Variants in VPS9D1 observed in about 807,000 individuals in gnomAD.
VPS9D1 encodes the protein VPS9 domain-containing protein 1.
In VPS9D1, 78 loss-of-function variants were observed where a neutral mutation model predicts 75.8. The observed-to-expected ratio is 1.03, with a 90% CI of 0.86 to 1.24. The LOEUF (loss-of-function observed/expected upper bound fraction) is 1.24, where lower values mean the gene tolerates loss of function less well. VPS9D1 is among the 50% of genes most tolerant of loss of function. The pLI is 0.00. For missense variants in VPS9D1, 1,057 were observed against 847.7 expected (o/e 1.25, Z -3.07); for synonymous variants, 481 against 385.6 (o/e 1.25, Z -2.90).
rs1597909197 is a variant in VPS9D1, at chr16:89,711,401, C to T, written c.759G>A (p.Lys253=). 3.1e-6 allele frequency: 5 copies of T among 1,608,386 alleles called. No individual in the cohort carries two copies. The highest frequency in any genetic ancestry group is 2.2e-5 in the South Asian group (2 of 89,842). The change falls in exon 9 of 15, where the codon AAG becomes AAA. Residue 253 remains lysine (K), a synonymous_variant. Transcript: ENST00000389386. ...LEYEQDHDWP[K]HWKAKLKRNP... is the part of the protein sequence containing the mutation. The stretch of plus-strand genomic sequence containing the variant: ...TCCTCTTGAGCTTGGCCTTCCAGTG[C>T]TTCGGCCAGTCCTACGGGACAGGGG...
intron 3 of VPS9D1, 32 bp downstream of exon 3, chr16:89,716,698 C>T: frequency 6.3e-7 from 1 of 1,592,646 alleles, no homozygotes; most frequent in Non-Finnish European, 8.6e-7. Context: ...TGGGGGATGC[C>T]CCAGGAGAGC....
chr16:89,720,602 C>A lies in VPS9D1; in HGVS notation c.99+161G>T, dbSNP rs1189544920. On this transcript the variant is annotated intron_variant, in intron 1 of 14. Transcript: ENST00000389386. ...TCCAAGGTCACTGCACGCCCGGCTGCGCCCCGCCCCCGTCCTCGCCCGGGA... is the reference window on the plus strand; with the variant it reads ...TCCAAGGTCACTGCACGCCCGGCTGAGCCCCGCCCCCGTCCTCGCCCGGGA... 14 of 1,227,380 alleles carry A rather than the reference C, an allele frequency of 1.1e-5. No individual in the cohort carries two copies. The Admixed American group carries it at 5.4e-4, about 47-fold the overall frequency. 76.0% of individuals were successfully genotyped at this position (1,227,380 alleles called of 1,614,324 possible).
At position 89,708,656 on chromosome 16, in the gene VPS9D1, G is replaced by A. The variant is rs145715813; in HGVS notation, c.1698-125C>T. ...CTGTGCCCTTCTGCGCAGAGGCACC[G>A]GAAGGCAGCTGGGCATGGTGAGGCT... On this transcript the variant is annotated intron_variant, in intron 13 of 14. Transcript: ENST00000389386. 9.0e-4 allele frequency: 1,055 copies of A among 1,171,540 alleles called. 5 individuals carry two copies. In the African/African-American group the frequency reaches 0.014, roughly 15 times the overall value. The allele number at this position is 1,171,540 out of a possible 1,614,324, so 72.6% of individuals were successfully genotyped here. A position where few individuals can be genotyped will look rare whatever the true frequency, so the allele number is the denominator to read the frequency against.
chr16:89,713,000 C>T (rs1476029973), intron 4 of VPS9D1: 1 of 244,070 alleles, frequency 4.1e-6, no homozygotes, highest in African/African-American at 2.3e-5. Context: ...GCCTGGCCAA[C>T]ATGGTGAAAC....
At chr16:89,708,391 G>A (rs779435991) in intron 14 of VPS9D1, 36 bp downstream of exon 14, 22 of 1,573,892 alleles carry the variant, frequency 1.4e-5, no homozygotes, top group African/African-American at 8.1e-5. Flanking sequence ...CCTGCTCTTC[G>A]CACAGAGACC....
intron 1 of VPS9D1, chr16:89,720,432 A>C: frequency 9.6e-7 from 1 of 1,041,772 alleles, no homozygotes; most frequent in Non-Finnish European, 1.2e-6. Context: ...AAAATGCACG[A>C]ACGCACGGAC....
chr16:89,709,926 G>A lies in VPS9D1; in HGVS notation c.1259-20C>T. ...GCCTGTCTGCTAGGAACAGAGCCGG[G>A]GACGTCCACAGAGGCTCCTCCCCTG... is the stretch of plus-strand genomic sequence containing the variant. On this transcript the variant is annotated intron_variant, in intron 10 of 14. Transcript: ENST00000389386. The A allele has an allele frequency of 6.3e-7, 1 of 1,585,164 alleles. No individual in the cohort carries two copies. The highest frequency in any genetic ancestry group is 8.6e-7 in the Non-Finnish European group (1 of 1,165,184).
At chr16:89,716,850 C>T (rs987862460) in intron 2 of VPS9D1, 28 bp from the exon 3 acceptor site, 6 of 1,567,266 alleles carry the variant, frequency 3.8e-6, no homozygotes, top group Non-Finnish European at 5.2e-6. Flanking sequence ...AGGCTGGTCA[C>T]AGTCGGCTCT....
chr16:89,711,461 C>G, intron 8 of VPS9D1, 49 bp from the exon 9 acceptor site: 4 of 1,525,028 alleles, frequency 2.6e-6, no homozygotes, highest in Non-Finnish European at 3.6e-6. Flanking sequence ...CCGCCACGAC[C>G]GGACGCGCCT....
At position 89,707,807 on chromosome 16, in the gene VPS9D1, G is replaced by A; in HGVS notation, c.*54C>T. On this transcript the variant is annotated 3_prime_UTR_variant, in exon 15 of 15. Transcript: ENST00000389386. ...ATCCCATGGCTCCAGGTGTAGGAGA[G>A]ACAGCCCTGGGAGGCGAGGCCAGGC... The A allele has an allele frequency of 3.9e-6, 6 of 1,528,884 alleles. No individual in the cohort carries two copies. Among genetic ancestry groups the A allele is most frequent in the Non-Finnish European group, 5.4e-6 (6 of 1,105,456 alleles). 94.7% of individuals were successfully genotyped at this position (1,528,884 alleles called of 1,614,324 possible). A position where few individuals can be genotyped will look rare whatever the true frequency, so the allele number is the denominator to read the frequency against.
chr16:89,713,662 C>T (rs181490050), intron 4 of VPS9D1, among the ~76,000 whole-genome samples: 9 of 152,162 alleles, frequency 5.9e-5, no homozygotes, highest in South Asian at 2.1e-4. Flanking sequence ...TGCAACAATC[C>T]GAGGCTGTAT....
chr16:89,720,884 G>T lies in VPS9D1; in HGVS notation c.-23C>A. 7.5e-7 allele frequency: 1 copy of T among 1,339,696 alleles called. No individual in the cohort carries two copies. Among genetic ancestry groups the T allele is most frequent in the South Asian group, 1.9e-5 (1 of 53,996 alleles). The allele number at this position is 1,339,696 out of a possible 1,614,324, so 83.0% of individuals were successfully genotyped here. The stretch of plus-strand genomic sequence containing the variant: ...CATGGCGCCGAGCGGGGGAGGCGGC[G>T]GCGGTAGCCGAGGGGCTGGACGGGC... On this transcript the variant is annotated 5_prime_UTR_variant, in exon 1 of 15. Coordinates refer to ENST00000389386, the MANE Select transcript of VPS9D1 (RefSeq NM_004913.3).
At chr16:89,711,298 G>A (rs575248145) in intron 9 of VPS9D1, 29 bp downstream of exon 9, 2 of 1,585,562 alleles carry the variant, frequency 1.3e-6, no homozygotes, top group East Asian at 2.3e-5. Flanking sequence ...GGTGCGCAGG[G>A]GCTCTGTGGG....
At chr16:89,716,308 G>A (rs1278315248) in intron 4 of VPS9D1, among the ~76,000 whole-genome samples, 154 bp downstream of exon 4, 2 of 152,040 alleles carry the variant, frequency 1.3e-5, no homozygotes, top group East Asian at 1.9e-4. Flanking sequence ...GGAGGTTGCC[G>A]TGAGCCAAGA....
chr16:89,719,292 A>G (rs1397971071), intron 1 of VPS9D1, 190 bp from the exon 2 acceptor site: 2 of 655,588 alleles, frequency 3.1e-6, no homozygotes, highest in Non-Finnish European at 5.6e-6. Flanking sequence ...GGGCACAGGC[A>G]GCATCGCTGC....
chr16:89,708,764 C>G (rs2060846929), intron 13 of VPS9D1, 93 bp downstream of exon 13: 2 of 1,329,352 alleles, frequency 1.5e-6, no homozygotes, highest in Middle Eastern at 2.0e-4. Context: ...CCAGCTGGCA[C>G]AAGGCTAAGG....
rs1318941015 is a variant in VPS9D1, at chr16:89,708,953, C to T, written c.1601G>A (p.Arg534Gln). The change falls in exon 13 of 15, where the codon CGG (arginine) becomes CAG (glutamine). Residue 534 changes from arginine to glutamine, a missense_variant. Physicochemically the swap from Arg to Gln is conservative, Grantham distance 43 (BLOSUM62 1). Coordinates refer to ENST00000389386, the MANE Select transcript of VPS9D1 (RefSeq NM_004913.3). ...CPQKKLECIVRTLRIICVCAE... is the reference protein window; with the variant it reads ...CPQKKLECIVQTLRIICVCAE... ...ACAGACACAGATGATCCGCAGGGTCCGCACTGCGCCCCAGACAGGGTTTCA... is the reference window on the plus strand; with the variant it reads ...ACAGACACAGATGATCCGCAGGGTCTGCACTGCGCCCCAGACAGGGTTTCA... 12 of 1,599,258 alleles carry T rather than the reference C, an allele frequency of 7.5e-6. No homozygotes were observed. Among genetic ancestry groups the T allele is most frequent in the Admixed American group, 1.7e-5 (1 of 58,466 alleles).
At chr16:89,711,834 C>T (rs2060935351) in intron 8 of VPS9D1, 48 bp downstream of exon 8, 1 of 1,539,518 alleles carries the variant, frequency 6.5e-7, no homozygotes, top group Non-Finnish European at 8.8e-7. Flanking sequence ...TGACCCCGCC[C>T]CCCTCGCTGG....
intron 2 of VPS9D1, chr16:89,717,411 C>T (rs368631685): frequency 5.2e-6 from 2 of 384,716 alleles, no homozygotes; most frequent in Non-Finnish European, 1.1e-5. Flanking sequence ...CCATCTCCCA[C>T]CGGCTGTGTC....
Sources: allele counts gnomAD v4.1 joint callset (sites outside exome capture counted in the v4.1 genomes callset), GRCh38; gene constraint gnomAD v4.1.1; transcripts MANE v1.5; gene names NCBI Gene and HGNC (gene_info 2026-07-23, HGNC 2026-07-21).